PLAGL1: variants seen among roughly 807,000 people sequenced by gnomAD.
PLAGL1 encodes the protein PLAG1 like zinc finger 1, also known as zinc finger protein PLAGL1.
Under a neutral mutation model 4.6 loss-of-function variants are expected in PLAGL1, and 1 was observed. That is an observed-to-expected ratio of 0.22 (90% CI 0.08 to 1.03). The LOEUF (loss-of-function observed/expected upper bound fraction) is 1.03, where lower values mean the gene tolerates loss of function less well. Ranked by LOEUF, PLAGL1 falls within the 50% of genes least tolerant of loss-of-function variation. The pLI is 0.58. For missense variants in PLAGL1, 464 were observed against 570.4 expected (o/e 0.81, Z 1.90); for synonymous variants, 240 against 237.8 (o/e 1.01, Z -0.08).
At chr6:144,033,305 C>G (rs1303611385) in intron 1 of PLAGL1, among the ~76,000 whole-genome samples, 1 of 152,138 alleles carries the variant, frequency 6.6e-6, no homozygotes, top group Non-Finnish European at 1.5e-5. Context: ...ATAATAAATA[C>G]CAGGTTTAAG....
chr6:143,982,085 TTTGAA>T lies in PLAGL1; in HGVS notation c.-544+3045_-544+3049del, dbSNP rs1788083476. Among the ~76,000 whole-genome samples, 2 of 152,306 alleles carry T rather than the reference TTTGAA, an allele frequency of 1.3e-5. No individual in the cohort carries two copies. Among genetic ancestry groups the T allele is most frequent in the African/African-American group, 4.8e-5 (2 of 41,570 alleles). On this transcript the variant is annotated intron_variant, in intron 2 of 7. Coordinates refer to ENST00000674357, the MANE Select transcript of PLAGL1 (RefSeq NM_001317162.2). This position sits in a 1 kb window ranked among gnomAD's most constrained non-coding sequence, Gnocchi z 5.3. ...AGCGCACCAATGAATTAAGCTTATCTTTGAATTAATTGTTTCTAGTAGCTTAACTG... is the reference window on the plus strand; with the variant it reads ...AGCGCACCAATGAATTAAGCTTATCTTTAATTGTTTCTAGTAGCTTAACTG...
intron 1 of PLAGL1, among the ~76,000 whole-genome samples, chr6:143,988,414 G>A (rs929762199): frequency 3.9e-5 from 6 of 152,196 alleles, no homozygotes; most frequent in African/African-American, 7.2e-5. Context: ...TCACAGCAGA[G>A]TTAATGGTAG....
rs1344544573 is a variant in PLAGL1 at position 144,034,944 on chromosome 6, A to C, written c.-151+29524T>G. Among the ~76,000 whole-genome samples the C allele has an allele frequency of 6.6e-6, 1 of 152,232 alleles. No individual in the cohort carries two copies. Among genetic ancestry groups the C allele is most frequent in the African/African-American group, 2.4e-5 (1 of 41,452 alleles). ...GTTTGGACAAAAATCTTTGAGTATT[A>C]ACTTGGAAATAAGGTAAATTGATGG... On this transcript the variant is annotated intron_variant, in intron 1 of 3. Coordinates refer to the PLAGL1 transcript ENST00000437412. This position sits in a 1 kb window ranked among gnomAD's most constrained non-coding sequence, Gnocchi z 4.7.
chr6:144,029,373 G>A (rs1209791197), intron 1 of PLAGL1, among the ~76,000 whole-genome samples: 6 of 152,202 alleles, frequency 3.9e-5, no homozygotes, highest in Non-Finnish European at 7.3e-5. Flanking sequence ...ACAACCTGAT[G>A]GGGTGGGAGC....
Position 144,027,222 on chromosome 6 carries a change from T to A in PLAGL1, c.-151+37246A>T, listed in dbSNP as rs921650206. 5.8e-5 allele frequency among the ~76,000 whole-genome samples: 5 copies of A among 86,366 alleles called. No individual in the cohort carries two copies. Among genetic ancestry groups the A allele is most frequent in the African/African-American group, 2.1e-4 (3 of 14,054 alleles). 56.7% of individuals were successfully genotyped at this position (86,366 alleles called of 152,430 possible). A position where few individuals can be genotyped will look rare whatever the true frequency, so the allele number is the denominator to read the frequency against. ...TTGGGTGACAGAGAAAGACCCCAAC[T>A]CAAAGAACGAACGAAAGAAAGAAAG... On this transcript the variant is annotated intron_variant, in intron 1 of 3. Coordinates refer to the PLAGL1 transcript ENST00000437412. The surrounding 1 kb of genome is among the most constrained non-coding windows in gnomAD (Gnocchi z 5.8).
chr6:144,062,725 A>C (rs1204998144), intron 1 of PLAGL1, among the ~76,000 whole-genome samples: 1 of 152,100 alleles, frequency 6.6e-6, no homozygotes, highest in Non-Finnish European at 1.5e-5. Flanking sequence ...CTTAACAGAG[A>C]GGGCTAGGGC....
Position 143,955,062 on chromosome 6 carries a change from A to T in PLAGL1, c.-325+5407T>A, listed in dbSNP as rs532762611. The stretch of plus-strand genomic sequence containing the variant: ...GTTTCCTCAGGAATGAATGGACAGA[A>T]TACAATTACATTGCTCTATAATGAC... On this transcript the variant is annotated intron_variant, in intron 6 of 7. Coordinates refer to ENST00000674357, the MANE Select transcript of PLAGL1 (RefSeq NM_001317162.2). The surrounding 1 kb of genome is among the most constrained non-coding windows in gnomAD (Gnocchi z 4.9). Among the ~76,000 whole-genome samples, 3 of 152,380 alleles carry T rather than the reference A, an allele frequency of 2.0e-5. No homozygotes were observed. The highest frequency in any genetic ancestry group is 7.2e-5 in the African/African-American group (3 of 41,590).
rs1022107313 is a variant in PLAGL1, at chr6:144,049,711, A to G, written c.-151+14757T>C. ...GTCTCTCCCTAGACATGTAGGGATT[A>G]TGGGGATTACAATTTCAAGATGAGA... On this transcript the variant is annotated intron_variant, in intron 1 of 3. Coordinates refer to the PLAGL1 transcript ENST00000437412. Among the ~76,000 whole-genome samples, 3 of 152,190 alleles carry G rather than the reference A, an allele frequency of 2.0e-5. No individual in the cohort carries two copies. In the East Asian group the frequency reaches 5.8e-4, roughly 29 times the overall value.
In PLAGL1 at chr6:143,966,265, G is replaced by A. The variant is rs1010742761; in HGVS notation, c.-471-67C>T. 6.6e-6 allele frequency: 1 copy of A among 152,150 alleles called. No individual in the cohort carries two copies. The highest frequency in any genetic ancestry group is 2.4e-5 in the African/African-American group (1 of 41,424). 9.4% of individuals were successfully genotyped at this position (152,150 alleles called of 1,614,324 possible). A position where few individuals can be genotyped will look rare whatever the true frequency, so the allele number is the denominator to read the frequency against. ...GTTAATCAGGAGAGCAATATGTTCA[G>A]GCTTGTGTTATAGAAAGAAACTGAG... On this transcript the variant is annotated intron_variant, in intron 3 of 7. Coordinates refer to ENST00000674357, the MANE Select transcript of PLAGL1 (RefSeq NM_001317162.2). The surrounding 1 kb of genome is among the most constrained non-coding windows in gnomAD (Gnocchi z 6.0).
At chr6:144,020,228 G>A (rs1021006608) in intron 1 of PLAGL1, among the ~76,000 whole-genome samples, 2 of 152,036 alleles carry the variant, frequency 1.3e-5, no homozygotes, top group Non-Finnish European at 2.9e-5. Flanking sequence ...CCAGACTGTG[G>A]GAAATAAATT....
chr6:144,030,300 A>G, intron 1 of PLAGL1, among the ~76,000 whole-genome samples: 1 of 150,606 alleles, frequency 6.6e-6, no homozygotes, highest in African/African-American at 2.4e-5. Flanking sequence ...GTAAATTTTA[A>G]TACAATGGAT....
At chr6:144,031,615 C>A (rs1030408999) in intron 1 of PLAGL1, among the ~76,000 whole-genome samples, 1 of 152,066 alleles carries the variant, frequency 6.6e-6, no homozygotes, top group African/African-American at 2.4e-5. Context: ...GTGTCCTTTC[C>A]CCACTTTATG....
chr6:143,964,605 A>G lies in PLAGL1; in HGVS notation c.-399+182T>C, dbSNP rs1343913635. Among the ~76,000 whole-genome samples the G allele has an allele frequency of 6.6e-6, 1 of 151,856 alleles. No homozygotes were observed. The highest frequency in any genetic ancestry group is 2.4e-5 in the African/African-American group (1 of 41,338). On this transcript the variant is annotated intron_variant, in intron 5 of 7. Coordinates refer to ENST00000674357, the MANE Select transcript of PLAGL1 (RefSeq NM_001317162.2). This position sits in a 1 kb window ranked among gnomAD's most constrained non-coding sequence, Gnocchi z 4.3. ...AGCTACAACTGCTGGAACTGGAGCCAATCTAGTTTTCAAAAAAGGCCACCG... is the reference window on the plus strand; with the variant it reads ...AGCTACAACTGCTGGAACTGGAGCCGATCTAGTTTTCAAAAAAGGCCACCG...
chr6:144,047,216 C>T (rs569828375), intron 1 of PLAGL1, among the ~76,000 whole-genome samples: 14 of 152,330 alleles, frequency 9.2e-5, no homozygotes, highest in African/African-American at 3.1e-4. Context: ...ACTGTCCAAC[C>T]AGTCCCAGTG....
Position 144,050,345 on chromosome 6 carries a change from C to T in PLAGL1, c.-151+14123G>A, listed in dbSNP as rs1475086763. On this transcript the variant is annotated intron_variant, in intron 1 of 3. Transcript: ENST00000437412. The surrounding 1 kb of genome is among the most constrained non-coding windows in gnomAD (Gnocchi z 4.3). ...AACTAAGTGAAATATGTCCATAACA[C>T]AATGCTGCCAGAAGGTCTTTGATAC... 6.6e-6 allele frequency among the ~76,000 whole-genome samples: 1 copy of T among 152,186 alleles called. No homozygotes were observed. Among genetic ancestry groups the T allele is most frequent in the African/African-American group, 2.4e-5 (1 of 41,440 alleles).
In PLAGL1 at chr6:143,964,836, C is replaced by A. The variant is rs1046959058; in HGVS notation, c.-430-18G>T. 9 of 152,222 alleles carry A rather than the reference C, an allele frequency of 5.9e-5. No individual in the cohort carries two copies. Among genetic ancestry groups the A allele is most frequent in the African/African-American group, 2.2e-4 (9 of 41,436 alleles). 9.4% of individuals were successfully genotyped at this position (152,222 alleles called of 1,614,324 possible). On this transcript the variant is annotated intron_variant, in intron 4 of 7. Transcript: ENST00000674357. The surrounding 1 kb of genome is among the most constrained non-coding windows in gnomAD (Gnocchi z 4.3). ...GCAAATACCTAGAAAGGGAGAGACA[C>A]ACAAAGTTATCTTTAAGGTCTTTAT...
At chr6:144,030,337 C>T (rs1796719349) in intron 1 of PLAGL1, among the ~76,000 whole-genome samples, 1 of 136,572 alleles carries the variant, frequency 7.3e-6, no homozygotes. Flanking sequence ...GAATAAGGTA[C>T]AGCTTTTTAA....
rs1788573272 is a variant in PLAGL1, at chr6:143,984,353, A to G, written c.-544+782T>C. On this transcript the variant is annotated intron_variant, in intron 2 of 7. Coordinates refer to ENST00000674357, the MANE Select transcript of PLAGL1 (RefSeq NM_001317162.2). This position sits in a 1 kb window ranked among gnomAD's most constrained non-coding sequence, Gnocchi z 5.5. ...TGGTGAAATATGCTGGAGAAACACC[A>G]CAGACCAAAGGCCATCGATAATCAC... Among the ~76,000 whole-genome samples the G allele has an allele frequency of 6.6e-6, 1 of 152,192 alleles. No homozygotes were observed. Among genetic ancestry groups the G allele is most frequent in the Non-Finnish European group, 1.5e-5 (1 of 68,024 alleles).
At position 144,059,907 on chromosome 6, in the gene PLAGL1, G is replaced by C. The variant is rs1799256148; in HGVS notation, c.-151+4561C>G. Among the ~76,000 whole-genome samples, 1 of 152,056 alleles carries C rather than the reference G, an allele frequency of 6.6e-6. No homozygotes were observed. Among genetic ancestry groups the C allele is most frequent in the Non-Finnish European group, 1.5e-5 (1 of 68,012 alleles). Reference sequence around the variant, plus strand: ...TACTGTTTATTTCTCTGTCCCTAATGCCACTTCACTGTCCCCAGGTGGCCA... The same window carrying C: ...TACTGTTTATTTCTCTGTCCCTAATCCCACTTCACTGTCCCCAGGTGGCCA... On this transcript the variant is annotated intron_variant, in intron 1 of 3. Transcript: ENST00000437412. The surrounding 1 kb of genome is among the most constrained non-coding windows in gnomAD (Gnocchi z 4.9).
Sources: allele counts gnomAD v4.1 joint callset (sites outside exome capture counted in the v4.1 genomes callset), GRCh38; gene constraint gnomAD v4.1.1; non-coding constraint Gnocchi (gnomAD v3.1); transcripts MANE v1.5; gene names NCBI Gene and HGNC (gene_info 2026-07-23, HGNC 2026-07-21).